TCIRG1: variants seen among roughly 807,000 people sequenced by gnomAD.
The protein encoded by TCIRG1 is T cell immune regulator 1, ATPase H+ transporting V0 subunit a3.
TCIRG1 carries 86 observed loss-of-function variants against 95.5 expected under a neutral mutation model. The observed-to-expected ratio is 0.90, with a 90% CI of 0.76 to 1.08. TCIRG1 has a LOEUF of 1.08. Among genes scored for constraint, TCIRG1 ranks in the 50% least tolerant of loss-of-function variants. TCIRG1 has a pLI of 0.00. For synonymous variants in TCIRG1, 499 were observed against 501.3 expected (o/e 1.00, Z 0.06); for missense variants, 1,069 against 1,140.2 (o/e 0.94, Z 0.90).
Position 68,043,489 on chromosome 11 carries a change from C to T in TCIRG1, c.622C>T (p.Pro208Ser), listed in dbSNP as rs1377623079. 6.4e-7 allele frequency: 1 copy of T among 1,567,020 alleles called. No homozygotes were observed. Among genetic ancestry groups the T allele is most frequent in the South Asian group, 1.2e-5 (1 of 85,652 alleles). Reference sequence around the variant, plus strand: ...GGAGCTGGAGCAGCCGCTGGAGCACCCCGTGACGGTGAGCAGCTGGCGCTG... The same window carrying T: ...GGAGCTGGAGCAGCCGCTGGAGCACTCCGTGACGGTGAGCAGCTGGCGCTG... The part of the protein sequence containing the change: ...FRELEQPLEH[P>S]VTGEPATWMT... Residue 208 changes from proline to serine, a missense_variant, in exon 6 of 20, where the codon CCC (proline) becomes TCC (serine). Pro to Ser is a moderately conservative substitution (Grantham distance 74). Coordinates refer to ENST00000265686, the MANE Select transcript of TCIRG1 (RefSeq NM_006019.4).
At chr11:68,049,335 T>C (rs376283848) in intron 15 of TCIRG1, 41 bp downstream of exon 15, 46 of 1,569,410 alleles carry the variant, frequency 2.9e-5, no homozygotes, top group African/African-American at 1.5e-4. Flanking sequence ...CACGGCCTCA[T>C]GGGGACCCCG....
chr11:68,049,858 C>T, intron 16 of TCIRG1, 70 bp downstream of exon 16: 4 of 1,554,180 alleles, frequency 2.6e-6, no homozygotes, highest in African/African-American at 2.7e-5. Flanking sequence ...GTCCCTGACT[C>T]CTCGCTTCCT....
intron 9 of TCIRG1, chr11:68,044,697 C>G: frequency 3.4e-6 from 2 of 595,696 alleles, no homozygotes; most frequent in East Asian, 2.8e-5. Flanking sequence ...CAGGTGCTTG[C>G]GGGTGAGGCT....
Position 68,043,442 on chromosome 11 carries a change from G to A in TCIRG1, c.575G>A (p.Gly192Asp). 1 of 1,549,710 alleles carries A rather than the reference G, an allele frequency of 6.5e-7. No homozygotes were observed. Among genetic ancestry groups the A allele is most frequent in the African/African-American group, 1.4e-5 (1 of 73,272 alleles). The change falls in exon 6 of 20, where the codon GGC becomes GAC. Residue 192 changes from glycine (G) to aspartate (D), a missense_variant. Coordinates refer to ENST00000265686, the MANE Select transcript of TCIRG1 (RefSeq NM_006019.4). ...CGCCTGCTCTGGAGGGCCTGCCGCG[G>A]CTTCCTCATTGCCAGCTTCAGGGAG... ...LERLLWRACR[G>D]FLIASFRELE... is the part of the protein sequence containing the mutation.
intron 10 of TCIRG1, 50 bp from the exon 11 acceptor site, chr11:68,047,383 C>T: frequency 6.2e-7 from 1 of 1,608,206 alleles, no homozygotes; most frequent in Middle Eastern, 1.7e-4. Context: ...GGCCGGGAGG[C>T]AGATGCTGGT....
chr11:68,048,214 C>T (rs892579608), intron 13 of TCIRG1: 25 of 604,022 alleles, frequency 4.1e-5, no homozygotes, highest in Admixed American at 2.6e-4. Flanking sequence ...AGAGGCAAAG[C>T]GAGACTGGAC....
chr11:68,046,228 C>T (rs192130798), intron 10 of TCIRG1, among the ~76,000 whole-genome samples: 139 of 152,214 alleles, frequency 9.1e-4, no homozygotes, highest in African/African-American at 3.2e-3. Flanking sequence ...CAGCAGGGGC[C>T]GGGGGCACTG....
At chr11:68,049,571 C>T (rs1855686558) in intron 15 of TCIRG1, 92 bp from the exon 16 acceptor site, 2 of 1,525,226 alleles carry the variant, frequency 1.3e-6, no homozygotes, top group Non-Finnish European at 1.8e-6. Context: ...GGAGCGACCG[C>T]AGGCTCTCTG....
rs550724647 is a variant in TCIRG1 at position 68,043,834 on chromosome 11, C to A, written c.734C>A (p.Pro245Gln). Reference protein sequence around the residue: ...ITDCFHCHVFPFLQQEEARLG... With the variant: ...ITDCFHCHVFQFLQQEEARLG... Reference sequence around the variant, plus strand: ...TCCAGCTTCCACTGCCACGTCTTCCCGTTTCTGCAGCAGGAGGAGGCCCGC... The same window carrying A: ...TCCAGCTTCCACTGCCACGTCTTCCAGTTTCTGCAGCAGGAGGAGGCCCGC... Residue 245 changes from proline (P) to glutamine (Q), a missense_variant, in exon 8 of 20, where the codon CCG (proline) becomes CAG (glutamine). Transcript: ENST00000265686. The A allele has an allele frequency of 1.7e-5, 27 of 1,563,146 alleles. No homozygotes were observed. The South Asian group carries it at 3.1e-4, about 18-fold the overall frequency.
At chr11:68,045,208 T>A (rs1275731301) in intron 10 of TCIRG1, 106 bp downstream of exon 10, 9 of 1,411,834 alleles carry the variant, frequency 6.4e-6, no homozygotes, top group Non-Finnish European at 7.8e-6. Flanking sequence ...TGGCCTGCCC[T>A]CCTGGGATGA....
At chr11:68,049,542 C>T (rs1375364695) in intron 15 of TCIRG1, 121 bp from the exon 16 acceptor site, 1 of 1,394,296 alleles carries the variant, frequency 7.2e-7, no homozygotes, top group Non-Finnish European at 9.8e-7. Flanking sequence ...GCACGGAGCC[C>T]CCGGGGGCCC....
intron 2 of TCIRG1, 46 bp from the exon 3 acceptor site, chr11:68,041,707 C>G: frequency 6.6e-7 from 1 of 1,523,560 alleles, no homozygotes; most frequent in Non-Finnish European, 9.0e-7. Context: ...GAGGAGCTCC[C>G]TGACCCCCTT....
intron 5 of TCIRG1, 107 bp from the exon 6 acceptor site, chr11:68,043,264 G>T: frequency 6.7e-7 from 1 of 1,489,948 alleles, no homozygotes. Flanking sequence ...GGGCCAGTGT[G>T]CCCAATTGCC....
chr11:68,050,175 C>T lies in TCIRG1; in HGVS notation c.2157C>T (p.His719=), dbSNP rs1428764067. The T allele has an allele frequency of 2.5e-6, 4 of 1,613,582 alleles. No individual in the cohort carries two copies. The highest frequency in any genetic ancestry group is 1.3e-5 in the African/African-American group (1 of 74,938). ...AGGTGCTCATGCACCAGGCCATCCA[C>T]ACCATCGAGTTCTGCCTGGGCTGCG... is the stretch of plus-strand genomic sequence containing the variant. The part of the protein sequence containing the change: ...PSEVLMHQAI[H]TIEFCLGCVS... Residue 719 remains histidine, a synonymous_variant, in exon 18 of 20, where the codon CAC becomes CAT. Coordinates refer to ENST00000265686, the MANE Select transcript of TCIRG1 (RefSeq NM_006019.4).
rs1477831442 is a variant in TCIRG1 at position 68,049,131 on chromosome 11, C to T, written c.1724C>T (p.Thr575Ile). 1.9e-6 allele frequency: 3 copies of T among 1,613,762 alleles called. No individual in the cohort carries two copies. Among genetic ancestry groups the T allele is most frequent in the South Asian group, 1.1e-5 (1 of 91,096 alleles). Residue 575 changes from threonine to isoleucine, a missense_variant, in exon 15 of 20, where the codon ACC becomes ATC. Thr to Ile is a moderately conservative substitution (Grantham distance 89, BLOSUM62 -1). Coordinates refer to ENST00000265686, the MANE Select transcript of TCIRG1 (RefSeq NM_006019.4). ...CTGCTGGAGACGCTGCCGGAGCTCACCTTCCTGCTGGGACTCTTCGGTTAC... is the reference window on the plus strand; with the variant it reads ...CTGCTGGAGACGCTGCCGGAGCTCATCTTCCTGCTGGGACTCTTCGGTTAC... ...RLLLETLPELTFLLGLFGYLV... is the reference protein window; with the variant it reads ...RLLLETLPELIFLLGLFGYLV...
chr11:68,043,651 C>T lies in TCIRG1; in HGVS notation c.711C>T (p.Asp237=). The change falls in exon 7 of 20, where the codon GAC becomes GAT. Residue 237 remains aspartate (D), a splice_region_variant and synonymous_variant. Coordinates refer to ENST00000265686, the MANE Select transcript of TCIRG1 (RefSeq NM_006019.4). ...GACAGAAGATCCGCAAGATCACGGA[C>T]TGGTGAGTCACTGGGAACACCCGCC... is the stretch of plus-strand genomic sequence containing the variant. The part of the protein sequence containing the change: ...QIGQKIRKIT[D]CFHCHVFPFL... 1 of 1,607,436 alleles carries T rather than the reference C, an allele frequency of 6.2e-7. No individual in the cohort carries two copies. The highest frequency in any genetic ancestry group is 8.5e-7 in the Non-Finnish European group (1 of 1,177,220).
Position 68,043,857 on chromosome 11 carries a change from C to A in TCIRG1, c.757C>A (p.Arg253Ser). 1 of 1,569,382 alleles carries A rather than the reference C, an allele frequency of 6.4e-7. No homozygotes were observed. The highest frequency in any genetic ancestry group is 8.6e-7 in the Non-Finnish European group (1 of 1,158,164). The change falls in exon 8 of 20, where the codon CGC becomes AGC. Residue 253 changes from arginine to serine, a missense_variant. Arg to Ser is a moderately radical substitution (Grantham distance 110). Coordinates refer to ENST00000265686, the MANE Select transcript of TCIRG1 (RefSeq NM_006019.4). ...CCCGTTTCTGCAGCAGGAGGAGGCC[C>A]GCCTCGGGGCCCTGCAGCAGCTGCA... The part of the protein sequence containing the change: ...VFPFLQQEEA[R>S]LGALQQLQQQ...
intron 10 of TCIRG1, among the ~76,000 whole-genome samples, chr11:68,045,602 G>A (rs529921482): frequency 6.6e-6 from 1 of 151,602 alleles, no homozygotes; most frequent in East Asian, 1.9e-4. Flanking sequence ...TGCCCAGGCT[G>A]GAGTGCAATG....
In TCIRG1 at chr11:68,050,764, A is replaced by C. The variant is rs1855767178; in HGVS notation, c.2438A>C (p.Tyr813Ser). 2 of 1,613,866 alleles carry C rather than the reference A, an allele frequency of 1.2e-6. No individual in the cohort carries two copies. The highest frequency in any genetic ancestry group is 1.7e-6 in the Non-Finnish European group (2 of 1,179,998). ...LHWVEFQNKFYSGTGYKLSPF... is the reference protein window; with the variant it reads ...LHWVEFQNKFSSGTGYKLSPF... ...AGGGTGGAATTCCAGAACAAGTTCT[A>C]CTCAGGCACGGGCTACAAGCTGAGT... The change falls in exon 20 of 20, where the codon TAC (tyrosine) becomes TCC (serine). Residue 813 changes from tyrosine (Y) to serine (S), a missense_variant. Tyr to Ser is a moderately radical substitution (Grantham distance 144). Transcript: ENST00000265686.
Sources: gnomAD v4.1 joint callset for allele counts (sites outside exome capture counted in the v4.1 genomes callset) on GRCh38, gnomAD v4.1.1 for gene constraint, MANE v1.5 for transcripts, NCBI Gene and HGNC (gene_info 2026-07-23, HGNC 2026-07-21) for gene names.